Variants in FANK1 observed in about 807,000 individuals in gnomAD.
FANK1 encodes fibronectin type III and ankyrin repeat domains 1.
A neutral mutation model predicts 45.3 loss-of-function variants in FANK1; 44 were observed. The ratio of observed to expected loss-of-function variants is 0.97; its 90% CI spans 0.76 to 1.25. The LOEUF is 1.25. Among genes scored for constraint, FANK1 ranks in the 50% most tolerant of loss-of-function variants. The pLI is 0.00. For synonymous variants in FANK1, 149 were observed against 152.5 expected (o/e 0.98, Z 0.17); for missense variants, 391 against 424.4 (o/e 0.92, Z 0.69).
At chr10:126,006,855 A>G (rs1168327236) in intron 7 of FANK1, among the ~76,000 whole-genome samples, 1 of 152,206 alleles carries the variant, frequency 6.6e-6, no homozygotes, top group Non-Finnish European at 1.5e-5. Context: ...GTGAGACTCC[A>G]TCTCAAATAA....
chr10:125,941,743 A>AG (rs1948466019), intron 1 of FANK1, among the ~76,000 whole-genome samples: 1 of 152,248 alleles, frequency 6.6e-6, no homozygotes, highest in Non-Finnish European at 1.5e-5. Flanking sequence ...TCACAACTTG[A>AG]TATATCCCAG....
At chr10:126,003,267 T>C (rs939546066) in intron 6 of FANK1, among the ~76,000 whole-genome samples, 5 of 152,136 alleles carry the variant, frequency 3.3e-5, no homozygotes, top group Non-Finnish European at 7.3e-5. Flanking sequence ...AAGACAGGCT[T>C]AAGGGCTCTA....
chr10:125,957,776 T>C (rs1949674064), intron 1 of FANK1, among the ~76,000 whole-genome samples: 1 of 152,160 alleles, frequency 6.6e-6, no homozygotes, highest in Non-Finnish European at 1.5e-5. Context: ...CCCTTCGCCT[T>C]GGCCTCCCAA....
chr10:125,934,244 A>C (rs906661050), intron 1 of FANK1, among the ~76,000 whole-genome samples: 1 of 152,212 alleles, frequency 6.6e-6, no homozygotes, highest in Admixed American at 6.5e-5. Flanking sequence ...TTTCTTTACT[A>C]AAGTGACCCT....
chr10:125,929,496 C>T (rs1291922011), intron 1 of FANK1, among the ~76,000 whole-genome samples: 5 of 152,222 alleles, frequency 3.3e-5, no homozygotes. Context: ...GTATTTGCTG[C>T]TTCCCAGGTG....
intron 1 of FANK1, among the ~76,000 whole-genome samples, chr10:125,924,504 G>A (rs895611955): frequency 5.3e-5 from 8 of 151,898 alleles, no homozygotes; most frequent in Non-Finnish European, 8.8e-5. Context: ...CACCTGCCTC[G>A]GCCTCCCAAA....
intron 1 of FANK1, among the ~76,000 whole-genome samples, chr10:125,979,243 T>C (rs34120875): frequency 0.4 from 60,755 of 151,888 alleles, 12,320 homozygotes; most frequent in South Asian, 0.46. Flanking sequence ...AGTGCGAGTA[T>C]CTGGCTGTTT....
At chr10:125,984,039 A>G (rs57193134) in intron 2 of FANK1, among the ~76,000 whole-genome samples, 2,533 of 152,238 alleles carry the variant, frequency 0.017, 75 homozygotes, top group African/African-American at 0.055. Context: ...TGGTGGACCG[A>G]ATATGGGATG....
chr10:125,942,813 CTTTTTTT>C (rs772933009), intron 1 of FANK1, among the ~76,000 whole-genome samples: 45 of 126,850 alleles, frequency 3.5e-4, no homozygotes, highest in South Asian at 5.1e-4. Flanking sequence ...TTATAATTTG[CTTTTTTT>C]TTTTTTTTTT....
chr10:125,968,765 T>C (rs1396735909), intron 1 of FANK1, among the ~76,000 whole-genome samples: 1 of 152,216 alleles, frequency 6.6e-6, no homozygotes, highest in Non-Finnish European at 1.5e-5. Flanking sequence ...CTAAGCCTAA[T>C]ATTGTGTAGT....
intron 1 of FANK1, among the ~76,000 whole-genome samples, chr10:125,927,603 G>GA (rs1947449923): frequency 6.6e-6 from 1 of 151,820 alleles, no homozygotes; most frequent in Non-Finnish European, 1.5e-5. Flanking sequence ...AAGCTGGAGT[G>GA]CAATGGCGCA....
chr10:125,951,488 C>A (rs1243460769), intron 1 of FANK1, among the ~76,000 whole-genome samples: 2 of 152,126 alleles, frequency 1.3e-5, no homozygotes, highest in African/African-American at 4.8e-5. Flanking sequence ...TACTTAGGGA[C>A]GGAAGTCAAC....
intron 3 of FANK1, chr10:125,989,519 G>T: frequency 1.3e-6 from 1 of 777,472 alleles, no homozygotes; most frequent in Non-Finnish European, 2.3e-6. Context: ...GTAGACTAAA[G>T]TTAACTCAGC....
chr10:125,964,186 C>CTTTTTTT (rs71486557), intron 1 of FANK1, among the ~76,000 whole-genome samples: 36 of 78,420 alleles, frequency 4.6e-4, no homozygotes, highest in African/African-American at 7.1e-4. Flanking sequence ...TTCTCTCTCT[C>CTTTTTTT]TTTTTTTTTT....
At chr10:125,950,010 TGGGG>T (rs1427608064) in intron 1 of FANK1, among the ~76,000 whole-genome samples, 3 of 123,090 alleles carry the variant, frequency 2.4e-5, no homozygotes, top group Non-Finnish European at 3.6e-5. Context: ...AAACAAGCAA[TGGGG>T]AAAGGATTCC....
In FANK1 at chr10:126,000,230, T is replaced by G. The variant is rs191490440; in HGVS notation, c.539+2745T>G. ...AGGTTCAATGGACCCTCAACTGGAATTATTCTTGGGAACCTGTCAAAATGA... is the reference window on the plus strand; with the variant it reads ...AGGTTCAATGGACCCTCAACTGGAAGTATTCTTGGGAACCTGTCAAAATGA... On this transcript the variant is annotated intron_variant, in intron 6 of 10. Transcript: ENST00000368693. 2.6e-5 allele frequency among the ~76,000 whole-genome samples: 4 copies of G among 152,334 alleles called. No homozygotes were observed. The East Asian group carries it at 5.8e-4, about 22-fold the overall frequency.
intron 6 of FANK1, among the ~76,000 whole-genome samples, chr10:125,999,540 G>A (rs1055106194): frequency 2.6e-5 from 4 of 152,092 alleles, no homozygotes; most frequent in African/African-American, 9.7e-5. Context: ...GCATACCAAG[G>A]TTTCTTTTAT....
Position 125,980,024 on chromosome 10 carries a change from C to T in FANK1, c.14-137C>T, listed in dbSNP as rs1951098185. The T allele has an allele frequency of 5.8e-6, 5 of 856,616 alleles. No individual in the cohort carries two copies. The East Asian group carries it at 1.3e-4, about 23-fold the overall frequency. The allele number at this position is 856,616 out of a possible 1,614,324, so 53.1% of individuals were successfully genotyped here. On this transcript the variant is annotated intron_variant, in intron 1 of 10. Coordinates refer to ENST00000368693, the MANE Select transcript of FANK1 (RefSeq NM_145235.5). The stretch of plus-strand genomic sequence containing the variant: ...TTTAGCTTTTCAGGGGTTCTTTAAG[C>T]AACAGGGAGGTATGCTCATATGTGT...
At chr10:125,947,914 C>A (rs1403046917) in intron 1 of FANK1, among the ~76,000 whole-genome samples, 1 of 146,210 alleles carries the variant, frequency 6.8e-6, no homozygotes, top group African/African-American at 2.5e-5. Flanking sequence ...AACAAACTAT[C>A]TCTCAGACCA....
Sources: gnomAD v4.1 joint callset for allele counts (sites outside exome capture counted in the v4.1 genomes callset) on GRCh38, gnomAD v4.1.1 for gene constraint, MANE v1.5 for transcripts, NCBI Gene and HGNC (gene_info 2026-07-23, HGNC 2026-07-21) for gene names.